Variants in NEXN observed in about 807,000 individuals in gnomAD.
NEXN encodes nexilin F-actin binding protein.
In NEXN, 65 loss-of-function variants were observed where a neutral mutation model predicts 92.6. The ratio of observed to expected loss-of-function variants is 0.70; its 90% CI spans 0.57 to 0.86. The LOEUF is 0.86. Ranked by LOEUF, NEXN falls within the 40% of genes least tolerant of loss-of-function variation. The pLI, the probability that NEXN is intolerant of heterozygous loss-of-function variation, is 0.00. For synonymous variants in NEXN, 254 were observed against 242.5 expected, an observed-to-expected ratio of 1.05 and a Z score of -0.44; for missense variants, 778 against 771.1, an observed-to-expected ratio of 1.01 and a Z score of -0.11.
chr1:77,899,607 AT>A (rs1055734391), intron 1 of NEXN, among the ~76,000 whole-genome samples: 9 of 152,146 alleles, frequency 5.9e-5, no homozygotes, highest in Non-Finnish European at 1.3e-4. Flanking sequence ...ATGTATACAT[AT>A]GTAACAAACT....
chr1:77,907,668 A>C, intron 1 of NEXN, among the ~76,000 whole-genome samples: 1 of 152,340 alleles, frequency 6.6e-6, no homozygotes, highest in Non-Finnish European at 1.5e-5. Context: ...GTAAATTTTT[A>C]AAATCAATTT....
At position 77,925,217 on chromosome 1, in the gene NEXN, A is replaced by G; in HGVS notation, c.477A>G (p.Glu159=). 1 of 1,597,680 alleles carries G rather than the reference A, an allele frequency of 6.3e-7. No individual in the cohort carries two copies. Among genetic ancestry groups the G allele is most frequent in the Non-Finnish European group, 8.6e-7 (1 of 1,166,490 alleles). Residue 159 remains glutamate, a synonymous_variant, in exon 6 of 13, where the codon GAA becomes GAG. Coordinates refer to ENST00000334785, the MANE Select transcript of NEXN (RefSeq NM_144573.4). ...QIEDINNTGT[E]SASEEGDDSL... is the part of the protein sequence containing the mutation. ...AGGACATAAACAATACGGGAACTGA[A>G]TCAGCATCAGAGGTAAACAGACATT...
intron 1 of NEXN, among the ~76,000 whole-genome samples, chr1:77,890,705 T>C (rs757930082): frequency 1.3e-5 from 2 of 152,110 alleles, no homozygotes; most frequent in Non-Finnish European, 2.9e-5. Context: ...ATACTTCATT[T>C]ATTAAAAAAA....
chr1:77,893,838 C>CT (rs903294611), intron 1 of NEXN, among the ~76,000 whole-genome samples: 76 of 142,310 alleles, frequency 5.3e-4, no homozygotes, highest in Middle Eastern at 3.6e-3. Context: ...TTCTTTCTTT[C>CT]TTTTTTTTTT....
intron 11 of NEXN, among the ~76,000 whole-genome samples, chr1:77,939,751 G>A (rs1247158383): frequency 6.6e-6 from 1 of 152,016 alleles, no homozygotes; most frequent in South Asian, 2.1e-4. Context: ...TATCTTTCTG[G>A]CTTAAAGATT....
At chr1:77,925,430 G>A (rs1309369712) in intron 6 of NEXN, among the ~76,000 whole-genome samples, 1 of 152,128 alleles carries the variant, frequency 6.6e-6, no homozygotes, top group African/African-American at 2.4e-5. Flanking sequence ...AGAAAAGTAT[G>A]TTTTGCTTTC....
At chr1:77,922,928 A>T (rs1302022326) in intron 5 of NEXN, among the ~76,000 whole-genome samples, 1 of 151,890 alleles carries the variant, frequency 6.6e-6, no homozygotes, top group Non-Finnish European at 1.5e-5. Context: ...ATGAAAATAA[A>T]CTATTAAAGT....
intron 1 of NEXN, among the ~76,000 whole-genome samples, chr1:77,891,737 G>C (rs1162231770): frequency 9.2e-6 from 1 of 108,838 alleles, no homozygotes; most frequent in Non-Finnish European, 1.8e-5. Flanking sequence ...TACCAAGTGT[G>C]GAAAAAAAGT....
At chr1:77,912,507 A>G (rs1312588392) in intron 1 of NEXN, among the ~76,000 whole-genome samples, 1 of 152,200 alleles carries the variant, frequency 6.6e-6, no homozygotes. Context: ...GTTGAAGGAG[A>G]AGAACAAAGC....
intron 12 of NEXN, 76 bp from the exon 13 acceptor site, chr1:77,942,380 AATTTC>A: frequency 2.6e-6 from 4 of 1,528,670 alleles, no homozygotes; most frequent in Non-Finnish European, 3.6e-6. Context: ...TAAAAAAAAA[AATTTC>A]ATTTCAAAAT....
chr1:77,921,537 T>C (rs1417065487), intron 5 of NEXN, among the ~76,000 whole-genome samples: 1 of 151,984 alleles, frequency 6.6e-6, no homozygotes, highest in African/African-American at 2.4e-5. Context: ...CTCAACCTTC[T>C]GGGCTCAAGC....
rs768326968 is a variant in NEXN, at chr1:77,935,810, A to AT, written c.1252-5dup. On this transcript the variant is annotated splice_polypyrimidine_tract_variant and intron_variant, in intron 10 of 12. Coordinates refer to ENST00000334785, the MANE Select transcript of NEXN (RefSeq NM_144573.4). ...AAAAACAGCAGCAACAAACTTATTA[A>AT]TTTTTTTTGAAGGAAGAGGAAGAAA... The AT allele has an allele frequency of 1.9e-5, 30 of 1,602,026 alleles. No homozygotes were observed. The Middle Eastern group carries it at 8.8e-4, about 47-fold the overall frequency.
At chr1:77,933,800 G>C (rs374897755) in intron 10 of NEXN, among the ~76,000 whole-genome samples, 1 of 152,060 alleles carries the variant, frequency 6.6e-6, no homozygotes, top group East Asian at 1.9e-4. Context: ...CCAGCTTCAT[G>C]GGCATGCACC....
chr1:77,931,292 T>C (rs1650278687), intron 9 of NEXN, among the ~76,000 whole-genome samples: 1 of 147,400 alleles, frequency 6.8e-6, no homozygotes. Flanking sequence ...CGGGCACCTG[T>C]AGTCCCAGCT....
At chr1:77,929,609 G>A in intron 9 of NEXN, 105 bp downstream of exon 9, 1 of 1,472,506 alleles carries the variant, frequency 6.8e-7, no homozygotes, top group Non-Finnish European at 9.4e-7. Flanking sequence ...TGGAAACTGT[G>A]CCAAGAGTAG....
In NEXN at chr1:77,935,903, A is replaced by G. The variant is rs1385609119; in HGVS notation, c.1332A>G (p.Gln444=). ...AATTAAAAAGGAGTGGCTCTATTCA[A>G]GCTAAAAACCTAAAAAGCAAGTTTG... is the stretch of plus-strand genomic sequence containing the variant. ...LIKLKRSGSI[Q]AKNLKSKFEK... is the part of the protein sequence containing the mutation. The change falls in exon 11 of 13, where the codon CAA becomes CAG. Residue 444 remains glutamine (Q), a synonymous_variant. Coordinates refer to ENST00000334785, the MANE Select transcript of NEXN (RefSeq NM_144573.4). The G allele has an allele frequency of 3.7e-6, 6 of 1,613,948 alleles. No individual in the cohort carries two copies. The highest frequency in any genetic ancestry group is 5.1e-6 in the Non-Finnish European group (6 of 1,180,012).
intron 5 of NEXN, among the ~76,000 whole-genome samples, chr1:77,920,398 G>A (rs1649327112): frequency 6.6e-6 from 1 of 152,062 alleles, no homozygotes; most frequent in Admixed American, 6.5e-5. Flanking sequence ...GGATTCCTGA[G>A]TCAGAGGGTA....
intron 1 of NEXN, among the ~76,000 whole-genome samples, chr1:77,906,204 T>G (rs1459701065): frequency 6.6e-6 from 1 of 152,092 alleles, no homozygotes. Context: ...GAGTATCAAG[T>G]GTAGCAGTGA....
chr1:77,899,761 A>G (rs1647545810), intron 1 of NEXN, among the ~76,000 whole-genome samples: 2 of 152,168 alleles, frequency 1.3e-5, no homozygotes, highest in Admixed American at 1.3e-4. Flanking sequence ...CAAGCTTAGG[A>G]TAGCGCCTGA....
Sources: allele counts gnomAD v4.1 joint callset (sites outside exome capture counted in the v4.1 genomes callset), GRCh38; gene constraint gnomAD v4.1.1; transcripts MANE v1.5; gene names NCBI Gene and HGNC (gene_info 2026-07-23, HGNC 2026-07-21).